The following FAM110B variants were observed in gnomAD, a reference collection of about 807,000 sequenced individuals.
The protein encoded by FAM110B is family with sequence similarity 110 member B.
In FAM110B, 6 loss-of-function variants were observed where a neutral mutation model predicts 20.4. That is an observed-to-expected ratio of 0.29 (90% confidence interval 0.16 to 0.58). The LOEUF (loss-of-function observed/expected upper bound fraction) is 0.58, where lower values mean the gene tolerates loss of function less well. FAM110B is among the 20% of genes least tolerant of loss of function. FAM110B has a pLI of 0.90. For missense variants in FAM110B, 434 were observed against 498.2 expected (o/e 0.87, Z 1.23); for synonymous variants, 226 against 214.1 (o/e 1.06, Z -0.49).
intron 3 of FAM110B, among the ~76,000 whole-genome samples, chr8:58,131,874 G>C (rs1270579029): frequency 6.6e-6 from 1 of 152,156 alleles, no homozygotes; most frequent in African/African-American, 2.4e-5. Flanking sequence ...CCTTTGAAGT[G>C]ATTCCCTTGA....
intron 3 of FAM110B, among the ~76,000 whole-genome samples, chr8:58,095,150 T>A (rs1269217676): frequency 1.3e-5 from 2 of 152,198 alleles, no homozygotes. Context: ...TTTATTAGTC[T>A]GGCTAGTGGT....
At chr8:58,045,810 G>C (rs34625390) in intron 2 of FAM110B, among the ~76,000 whole-genome samples, 2 of 152,124 alleles carry the variant, frequency 1.3e-5, no homozygotes, top group African/African-American at 4.8e-5. Context: ...AGTTTGCTCA[G>C]GTTGCTATAA....
intron 2 of FAM110B, among the ~76,000 whole-genome samples, chr8:58,067,693 G>A (rs1805802230): frequency 1.3e-5 from 2 of 152,202 alleles, no homozygotes; most frequent in African/African-American, 4.8e-5. Context: ...AGCTCCTTTA[G>A]GAATCAGAAT....
chr8:58,086,281 A>T (rs28638177), intron 3 of FAM110B, among the ~76,000 whole-genome samples: 8,308 of 152,280 alleles, frequency 0.055, 778 homozygotes, highest in African/African-American at 0.19. Flanking sequence ...AATAAAGAAA[A>T]AATTATATGA....
chr8:58,046,382 A>G (rs1373235056), intron 2 of FAM110B, among the ~76,000 whole-genome samples: 1 of 152,210 alleles, frequency 6.6e-6, no homozygotes, highest in Non-Finnish European at 1.5e-5. Flanking sequence ...GTCATTCTGA[A>G]GAGTGCCCAT....
intron 3 of FAM110B, among the ~76,000 whole-genome samples, chr8:58,114,135 A>G (rs1807137427): frequency 6.6e-6 from 1 of 152,110 alleles, no homozygotes. Context: ...TTGTGCAGGG[A>G]GATACTATTT....
chr8:58,035,011 C>T (rs1388499886), intron 2 of FAM110B, among the ~76,000 whole-genome samples: 2 of 152,124 alleles, frequency 1.3e-5, no homozygotes, highest in Non-Finnish European at 2.9e-5. Flanking sequence ...CACAAAGGCT[C>T]ATTCATAAAA....
chr8:58,088,006 T>C (rs981473031), intron 3 of FAM110B, among the ~76,000 whole-genome samples: 3 of 152,264 alleles, frequency 2.0e-5, no homozygotes, highest in Admixed American at 2.0e-4. Context: ...TCCCCAGAAG[T>C]AAAACTCTCT....
intron 3 of FAM110B, among the ~76,000 whole-genome samples, chr8:58,141,155 A>G (rs925429931): frequency 6.6e-5 from 10 of 152,230 alleles, no homozygotes; most frequent in African/African-American, 2.4e-4. Flanking sequence ...TATGAGAGTG[A>G]TCAGAGTCAA....
intron 3 of FAM110B, among the ~76,000 whole-genome samples, chr8:58,081,542 C>T (rs1338167881): frequency 2.0e-5 from 3 of 152,126 alleles, no homozygotes; most frequent in African/African-American, 7.2e-5. Flanking sequence ...CTGTTACTTC[C>T]CTGCTCTGAA....
At chr8:58,042,925 G>A (rs1048494470) in intron 2 of FAM110B, among the ~76,000 whole-genome samples, 5 of 152,204 alleles carry the variant, frequency 3.3e-5, no homozygotes, top group Non-Finnish European at 5.9e-5. Context: ...GAAACTTTGC[G>A]TGGTGCTTTC....
At chr8:58,122,016 TCCTAA>T (rs1383735847) in intron 3 of FAM110B, among the ~76,000 whole-genome samples, 2 of 152,210 alleles carry the variant, frequency 1.3e-5, no homozygotes, top group African/African-American at 4.8e-5. Flanking sequence ...TCTGTAAGCC[TCCTAA>T]GTAAAGGGGC....
At chr8:58,116,880 A>G (rs541294044) in intron 3 of FAM110B, among the ~76,000 whole-genome samples, 1 of 152,356 alleles carries the variant, frequency 6.6e-6, no homozygotes, top group East Asian at 1.9e-4. Flanking sequence ...AACAGATTGT[A>G]GAGCATCAGG....
intron 3 of FAM110B, among the ~76,000 whole-genome samples, chr8:58,096,394 T>G (rs1258428228): frequency 1.3e-5 from 2 of 152,182 alleles, no homozygotes; most frequent in Non-Finnish European, 2.9e-5. Context: ...GCCAGGCTGG[T>G]CTTGAACTCC....
rs1343349470 is a variant in FAM110B at position 58,136,302 on chromosome 8, GC to G, written c.-324-9601del. ...TGGGATTATAGGCGTGAGCCACCGT[GC>G]CCCGGCCCAGCAAGTCTTATAAACT... On this transcript the variant is annotated intron_variant, in intron 3 of 3. Coordinates refer to ENST00000519262, the MANE Select transcript of FAM110B (RefSeq NM_001377989.1). Among the ~76,000 whole-genome samples, 11 of 152,170 alleles carry G rather than the reference GC, an allele frequency of 7.2e-5. No individual in the cohort carries two copies. The East Asian group carries it at 1.4e-3, about 19-fold the overall frequency.
intron 3 of FAM110B, among the ~76,000 whole-genome samples, chr8:58,086,545 G>A (rs960505518): frequency 9.9e-5 from 15 of 151,154 alleles, no homozygotes; most frequent in African/African-American, 3.7e-4. Context: ...AGTGCTACCT[G>A]AAGTGTTCTT....
intron 1 of FAM110B, among the ~76,000 whole-genome samples, chr8:58,027,804 C>T (rs1483603743): frequency 6.6e-6 from 1 of 152,092 alleles, no homozygotes; most frequent in African/African-American, 2.4e-5. Flanking sequence ...GAGTAGTATT[C>T]CTTCGTGTGG....
chr8:58,123,834 C>G (rs1453860929), intron 3 of FAM110B, among the ~76,000 whole-genome samples: 2 of 152,126 alleles, frequency 1.3e-5, no homozygotes, highest in African/African-American at 4.8e-5. Context: ...GTACACTTTC[C>G]CGCTGCGCAT....
Position 58,146,869 on chromosome 8 carries a change from G to T in FAM110B, c.639G>T (p.Lys213Asn). The change falls in exon 4 of 4, where the codon AAG (lysine) becomes AAT (asparagine). Residue 213 changes from lysine to asparagine, a missense_variant. Lys to Asn is a moderately conservative substitution (Grantham distance 94). This residue lies in a region of FAM110B where 284 missense variants were observed against 278.3 expected (regional missense o/e 1.02). Transcript: ENST00000519262. ...AGGTGACCAGCGTGAAGCCCCTCAA[G>T]GCCATCCCCTGCAGTAGCTCTGCCC... Reference protein sequence around the residue: ...IRKVTSVKPLKAIPCSSSAPP... With the variant: ...IRKVTSVKPLNAIPCSSSAPP... 1 of 1,614,084 alleles carries T rather than the reference G, an allele frequency of 6.2e-7. No homozygotes were observed. The highest frequency in any genetic ancestry group is 2.2e-5 in the East Asian group (1 of 44,872).
Sources: gnomAD v4.1 joint callset for allele counts (sites outside exome capture counted in the v4.1 genomes callset) on GRCh38, gnomAD v4.1.1 for gene constraint, gnomAD v4.1.1 regional missense constraint, MANE v1.5 for transcripts, NCBI Gene and HGNC (gene_info 2026-07-23, HGNC 2026-07-21) for gene names.